The following HELZ variants were observed in gnomAD, a reference collection of about 807,000 sequenced individuals.
HELZ encodes the protein ATP-dependent RNA helicase with zinc finger domain.
Under a neutral mutation model 218.2 loss-of-function variants are expected in HELZ, and 23 were observed. That is an observed-to-expected ratio of 0.11 (90% CI 0.08 to 0.15). The LOEUF is 0.15. Ranked by LOEUF, HELZ falls within the 10% of genes least tolerant of loss-of-function variation. The pLI is 1.00. For missense variants in HELZ, 1,813 were observed against 2,353.7 expected (o/e 0.77, Z 4.75); for synonymous variants, 814 against 829.4 (o/e 0.98, Z 0.32).
rs149015896 is a variant in HELZ at position 67,106,315 on chromosome 17, A to T, written c.5241+854T>A. Among the ~76,000 whole-genome samples the T allele has an allele frequency of 1.2e-4, 16 of 131,744 alleles. 1 individual carries two copies. Among genetic ancestry groups the T allele is most frequent in the East Asian group, 3.9e-4 (2 of 5,106 alleles). The allele number at this position is 131,744 out of a possible 152,430, so 86.4% of individuals were successfully genotyped here. ...TCTAAGTATTTTACTTTATTTATTT[A>T]TTTTTTTTTTTGAGACAGAGTCTTG... On this transcript the variant is annotated intron_variant, in intron 31 of 32. Transcript: ENST00000358691.
chr17:67,143,331 G>T (rs545462587), intron 21 of HELZ, among the ~76,000 whole-genome samples: 2 of 152,024 alleles, frequency 1.3e-5, no homozygotes. Context: ...ACCTTGGCCC[G>T]GTGTGGCTGC....
chr17:67,107,894 T>C (rs1255788881), intron 30 of HELZ, among the ~76,000 whole-genome samples: 1 of 152,210 alleles, frequency 6.6e-6, no homozygotes, highest in Non-Finnish European at 1.5e-5. Flanking sequence ...TTTCTTTCTG[T>C]TCCCATTGTA....
At chr17:67,134,680 C>T (rs2038091783) in intron 23 of HELZ, among the ~76,000 whole-genome samples, 1 of 151,960 alleles carries the variant, frequency 6.6e-6, no homozygotes, top group Admixed American at 6.6e-5. Flanking sequence ...AGTCTCCCTT[C>T]CCAGAATTTT....
intron 5 of HELZ, among the ~76,000 whole-genome samples, chr17:67,214,872 G>T (rs2040554791): frequency 6.6e-6 from 1 of 152,076 alleles, no homozygotes; most frequent in Non-Finnish European, 1.5e-5. Flanking sequence ...GAGACCAGGT[G>T]CGGTGGCTCA....
chr17:67,122,946 A>G (rs899940132), intron 26 of HELZ, 24 bp downstream of exon 26: 8 of 1,512,586 alleles, frequency 5.3e-6, no homozygotes, highest in African/African-American at 2.7e-5. Flanking sequence ...GATTCAATAG[A>G]AAGTATTTCG....
chr17:67,138,225 T>TAA (rs373757165), intron 21 of HELZ, 111 bp from the exon 22 acceptor site: 4,212 of 538,164 alleles, frequency 7.8e-3, no homozygotes, highest in South Asian at 9.6e-3. Flanking sequence ...AGATGTCATT[T>TAA]AAAAAAAAAA....
rs543876870 is a variant in HELZ, at chr17:67,222,363, G to A, written c.-18-3541C>T. On this transcript the variant is annotated intron_variant, in intron 3 of 32. Transcript: ENST00000358691. ...CTAAACCGTAAATCTGGCTATGAGG[G>A]ATGATCACAAAGATTAATATCAACA... is the stretch of plus-strand genomic sequence containing the variant. 4.6e-5 allele frequency among the ~76,000 whole-genome samples: 7 copies of A among 152,306 alleles called. No homozygotes were observed. In the South Asian group the frequency reaches 6.2e-4, roughly 14 times the overall value.
chr17:67,187,350 CTG>C (rs138896259), intron 12 of HELZ, among the ~76,000 whole-genome samples: 3,849 of 152,244 alleles, frequency 0.025, 149 homozygotes, highest in African/African-American at 0.086. Flanking sequence ...TGTCACCTAA[CTG>C]TTAAATTTGG....
chr17:67,203,201 T>C, intron 6 of HELZ, 118 bp downstream of exon 6: 8 of 1,052,708 alleles, frequency 7.6e-6, no homozygotes, highest in Non-Finnish European at 1.1e-5. Context: ...GAATTTTGCT[T>C]TCTAATAGAG....
rs369854951 is a variant in HELZ at position 67,236,069 on chromosome 17, C to T, written c.-19+3364G>A. ...GCCACTGCACCCAGCCTCGACCACA[C>T]ACTCTTGTGAACAATTTTTACTGAC... On this transcript the variant is annotated intron_variant, in intron 3 of 32. Transcript: ENST00000358691. 1.6e-3 allele frequency among the ~76,000 whole-genome samples: 243 copies of T among 152,274 alleles called. 1 individual carries two copies. Among genetic ancestry groups the T allele is most frequent in the African/African-American group, 5.6e-3 (234 of 41,562 alleles).
intron 13 of HELZ, among the ~76,000 whole-genome samples, chr17:67,171,788 C>T (rs933191156): frequency 6.6e-6 from 1 of 151,992 alleles, no homozygotes; most frequent in Non-Finnish European, 1.5e-5. Context: ...TTCTCACATC[C>T]TGTTTCCTTT....
intron 31 of HELZ, among the ~76,000 whole-genome samples, chr17:67,098,109 CA>C: frequency 6.6e-6 from 1 of 152,244 alleles, no homozygotes; most frequent in Admixed American, 6.5e-5. Flanking sequence ...GAATTCTTCA[CA>C]AGAACATAAT....
In HELZ at chr17:67,236,889, C is replaced by A. The variant is rs189476340; in HGVS notation, c.-19+2544G>T. On this transcript the variant is annotated intron_variant, in intron 3 of 32. Coordinates refer to ENST00000358691, the MANE Select transcript of HELZ (RefSeq NM_014877.4). ...CCCTCCCTTCTACTGCTCACTTTGGCCTTGACTGAGTGTTTTCATACTCTC... is the reference window on the plus strand; with the variant it reads ...CCCTCCCTTCTACTGCTCACTTTGGACTTGACTGAGTGTTTTCATACTCTC... 2.0e-4 allele frequency among the ~76,000 whole-genome samples: 31 copies of A among 152,244 alleles called. No individual in the cohort carries two copies. The East Asian group carries it at 4.6e-3, about 23-fold the overall frequency.
intron 19 of HELZ, among the ~76,000 whole-genome samples, chr17:67,149,467 G>T (rs892354503): frequency 6.6e-6 from 1 of 151,966 alleles, no homozygotes; most frequent in Non-Finnish European, 1.5e-5. Context: ...CTATTTCCTA[G>T]TTTTCTATTA....
Position 67,078,558 on chromosome 17 carries a change from C to T in HELZ, c.5523G>A (p.Glu1841=). Residue 1841 remains glutamate (E), a synonymous_variant, in exon 33 of 33, where the codon GAG becomes GAA. Transcript: ENST00000358691. ...IAPPKTVKPP[E]DQLKSENLEV... ...CGAGGTTCTCCGACTTCAGTTGATC[C>T]TCAGGGGGTTTGACAGTCTTGGGTG... 1 of 1,495,600 alleles carries T rather than the reference C, an allele frequency of 6.7e-7. No homozygotes were observed. Among genetic ancestry groups the T allele is most frequent in the Non-Finnish European group, 8.9e-7 (1 of 1,123,348 alleles). 92.6% of individuals were successfully genotyped at this position (1,495,600 alleles called of 1,614,324 possible). A position where few individuals can be genotyped will look rare whatever the true frequency, so the allele number is the denominator to read the frequency against.
At chr17:67,113,510 T>G (rs1001976420) in intron 28 of HELZ, among the ~76,000 whole-genome samples, 7 of 152,174 alleles carry the variant, frequency 4.6e-5, no homozygotes, top group Non-Finnish European at 8.8e-5. Flanking sequence ...TCCACCCGCC[T>G]TGGCCTCTCA....
At chr17:67,118,065 G>C (rs568678723) in intron 27 of HELZ, among the ~76,000 whole-genome samples, 2 of 152,254 alleles carry the variant, frequency 1.3e-5, no homozygotes, top group South Asian at 2.1e-4. Context: ...AAATGCAAAA[G>C]ACCTGGAATA....
At chr17:67,113,573 G>A (rs1305375719) in intron 28 of HELZ, among the ~76,000 whole-genome samples, 1 of 152,094 alleles carries the variant, frequency 6.6e-6, no homozygotes, top group Non-Finnish European at 1.5e-5. Context: ...TAATCTTAAC[G>A]GGAACTCTTC....
At position 67,070,758 on chromosome 17, in the gene HELZ, G is replaced by A. The variant is rs1337563864; in HGVS notation, c.*7494C>T. 5 of 152,158 alleles carry A rather than the reference G, an allele frequency of 3.3e-5. No homozygotes were observed. The highest frequency in any genetic ancestry group is 2.1e-4 in the South Asian group (1 of 4,820). 9.4% of individuals were successfully genotyped at this position (152,158 alleles called of 1,614,324 possible). A position where few individuals can be genotyped will look rare whatever the true frequency, so the allele number is the denominator to read the frequency against. On this transcript the variant is annotated 3_prime_UTR_variant, in exon 33 of 33. Coordinates refer to ENST00000358691, the MANE Select transcript of HELZ (RefSeq NM_014877.4). Reference sequence around the variant, plus strand: ...TAGGTATTAGAGCCTCTTAGATGAGGTATCATTTACTGCAAAGAAAAAAAA... The same window carrying A: ...TAGGTATTAGAGCCTCTTAGATGAGATATCATTTACTGCAAAGAAAAAAAA...
Sources: allele counts gnomAD v4.1 joint callset (sites outside exome capture counted in the v4.1 genomes callset), GRCh38; gene constraint gnomAD v4.1.1; transcripts MANE v1.5; gene names NCBI Gene and HGNC (gene_info 2026-07-23, HGNC 2026-07-21).